GNG7: variants seen among roughly 807,000 people sequenced by gnomAD.
The protein encoded by GNG7 is G protein subunit gamma 7, also known as guanine nucleotide-binding protein G(I)/G(S)/G(O) subunit gamma-7.
GNG7 carries 1 observed loss-of-function variant against 4.0 expected under a neutral mutation model. That is an observed-to-expected ratio of 0.25 (90% CI 0.09 to 1.18). The LOEUF (loss-of-function observed/expected upper bound fraction) is 1.18, where lower values mean the gene tolerates loss of function less well. GNG7 is among the 50% of genes most tolerant of loss of function. The probability of loss-of-function intolerance (pLI) is 0.50; values close to 1 mark genes in which losing one functional copy is unlikely to be tolerated. For synonymous variants in GNG7, 34 were observed against 36.9 expected (o/e 0.92, Z 0.29); for missense variants, 86 against 91.9 (o/e 0.94, Z 0.26).
rs1972665958 is a variant in GNG7 at position 2,512,199 on chromosome 19, C to G, written c.*2823G>C. ...CCACCCCCGCCCGCCAGCTCCCCGT[C>G]TGGAGGTGCACGCGCGCTCCTGGAA... is the stretch of plus-strand genomic sequence containing the variant. On this transcript the variant is annotated 3_prime_UTR_variant, in exon 5 of 5. Coordinates refer to ENST00000382159, the MANE Select transcript of GNG7 (RefSeq NM_052847.3). This position sits in a 1 kb window ranked among gnomAD's most constrained non-coding sequence, Gnocchi z 4.7. 1 of 985,810 alleles carries G rather than the reference C, an allele frequency of 1.0e-6. No individual in the cohort carries two copies. The highest frequency in any genetic ancestry group is 1.2e-6 in the Non-Finnish European group (1 of 829,998). The allele number at this position is 985,810 out of a possible 1,614,324, so 61.1% of individuals were successfully genotyped here. A position where few individuals can be genotyped will look rare whatever the true frequency, so the allele number is the denominator to read the frequency against.
intron 1 of GNG7, among the ~76,000 whole-genome samples, chr19:2,654,324 G>A (rs1277922489): frequency 1.3e-5 from 2 of 152,186 alleles, no homozygotes; most frequent in East Asian, 1.9e-4. Flanking sequence ...AAACAGCACG[G>A]GTCCCCCTCC....
chr19:2,559,572 A>G (rs994006805), intron 2 of GNG7, among the ~76,000 whole-genome samples: 1 of 151,604 alleles, frequency 6.6e-6, no homozygotes, highest in Non-Finnish European at 1.5e-5. Context: ...CTGGAGTACA[A>G]TGGTGGATGT....
intron 3 of GNG7, among the ~76,000 whole-genome samples, chr19:2,540,209 A>G (rs1978913534): frequency 1.3e-5 from 2 of 151,722 alleles, no homozygotes; most frequent in African/African-American, 4.8e-5. Flanking sequence ...AGAGTACAGT[A>G]GTGTGATCCC....
At chr19:2,526,000 T>C (rs1338331483) in intron 3 of GNG7, among the ~76,000 whole-genome samples, 1 of 113,896 alleles carries the variant, frequency 8.8e-6, no homozygotes, top group Non-Finnish European at 1.8e-5. Context: ...AGACAGAGTC[T>C]GGCTCTGTCT....
intron 1 of GNG7, among the ~76,000 whole-genome samples, chr19:2,652,859 G>T (rs1046312341): frequency 6.6e-6 from 1 of 152,076 alleles, no homozygotes. Context: ...GAGGTGGGAG[G>T]ATTGCTGAAG....
At position 2,588,894 on chromosome 19, in the gene GNG7, G is replaced by A. The variant is rs569419249; in HGVS notation, c.-77-33706C>T. 1.1e-3 allele frequency among the ~76,000 whole-genome samples: 162 copies of A among 152,246 alleles called. 1 individual carries two copies. Among genetic ancestry groups the A allele is most frequent in the African/African-American group, 3.5e-3 (147 of 41,550 alleles). ...CAGGTGCTCAGGTGTGACATCAGCC[G>A]TCCCTTGCTGGCCCTGGTGCCAGCT... On this transcript the variant is annotated intron_variant, in intron 2 of 4. Coordinates refer to ENST00000382159, the MANE Select transcript of GNG7 (RefSeq NM_052847.3).
At chr19:2,687,331 G>C (rs1044675199) in intron 1 of GNG7, among the ~76,000 whole-genome samples, 7 of 151,472 alleles carry the variant, frequency 4.6e-5, no homozygotes, top group Non-Finnish European at 1.0e-4. Flanking sequence ...AAGTGCTGGG[G>C]TTAGGCTGGG....
At chr19:2,596,125 G>A (rs879708186) in intron 2 of GNG7, among the ~76,000 whole-genome samples, 23 of 152,318 alleles carry the variant, frequency 1.5e-4, no homozygotes, top group Admixed American at 3.3e-4. Context: ...TTGAGAGGCC[G>A]AGGCGGGCGG....
At chr19:2,517,628 G>A (rs1159623474) in intron 4 of GNG7, among the ~76,000 whole-genome samples, 1 of 152,164 alleles carries the variant, frequency 6.6e-6, no homozygotes, top group Non-Finnish European at 1.5e-5. Flanking sequence ...GCCTGCCAAA[G>A]TGCTGGGATT....
intron 2 of GNG7, among the ~76,000 whole-genome samples, chr19:2,555,584 T>C (rs1979516613): frequency 6.6e-6 from 1 of 152,206 alleles, no homozygotes; most frequent in Non-Finnish European, 1.5e-5. Flanking sequence ...CCATCTCTGA[T>C]TTCTACTTTT....
chr19:2,598,263 C>A (rs1458412861), intron 2 of GNG7, among the ~76,000 whole-genome samples: 1 of 152,196 alleles, frequency 6.6e-6, no homozygotes. Context: ...TGGCTCATAT[C>A]TGTTAATCCC....
rs981755182 is a variant in GNG7 at position 2,633,768 on chromosome 19, C to T, written c.-78+12456G>A. ...GAAGAGGACAGAAGCCTGCTCTCAA[C>T]TCACCCGGGAGGCAGGTTCTTCTGC... On this transcript the variant is annotated intron_variant, in intron 2 of 4. Transcript: ENST00000382159. This position sits in a 1 kb window ranked among gnomAD's most constrained non-coding sequence, Gnocchi z 5.9. Among the ~76,000 whole-genome samples, 1 of 152,136 alleles carries T rather than the reference C, an allele frequency of 6.6e-6. No homozygotes were observed. The highest frequency in any genetic ancestry group is 2.4e-5 in the African/African-American group (1 of 41,436).
chr19:2,660,387 C>T (rs1983115277), intron 1 of GNG7, among the ~76,000 whole-genome samples: 1 of 152,196 alleles, frequency 6.6e-6, no homozygotes. Context: ...CATCCTCCTG[C>T]TCCAAAACCA....
intron 2 of GNG7, among the ~76,000 whole-genome samples, chr19:2,625,878 C>G (rs945868176): frequency 6.6e-6 from 1 of 152,164 alleles, no homozygotes; most frequent in Admixed American, 6.5e-5. Flanking sequence ...AACTCCGCCT[C>G]CCGGGTTCAA....
chr19:2,560,954 C>CA lies in GNG7; in HGVS notation c.-77-5767dup, dbSNP rs33963257. 7.6e-3 allele frequency among the ~76,000 whole-genome samples: 1,006 copies of CA among 132,586 alleles called. 19 individuals are homozygous for CA. The highest frequency in any genetic ancestry group is 0.027 in the East Asian group (123 of 4,566). 87.0% of individuals were successfully genotyped at this position (132,586 alleles called of 152,430 possible). A position where few individuals can be genotyped will look rare whatever the true frequency, so the allele number is the denominator to read the frequency against. On this transcript the variant is annotated intron_variant, in intron 2 of 4. Transcript: ENST00000382159. ...CCTGGGCGACAGAAGGAGACTGTTT[C>CA]AAAAAAAAAAAAAAAAAAATTATTT...
At chr19:2,576,261 G>A (rs1170268884) in intron 2 of GNG7, among the ~76,000 whole-genome samples, 4 of 152,246 alleles carry the variant, frequency 2.6e-5, no homozygotes, top group African/African-American at 2.4e-5. Context: ...CAGCCCGGAC[G>A]GCCCCAGGGG....
At position 2,638,777 on chromosome 19, in the gene GNG7, C is replaced by T. The variant is rs576944927; in HGVS notation, c.-78+7447G>A. On this transcript the variant is annotated intron_variant, in intron 2 of 4. Transcript: ENST00000382159. ...GGGGAGGGGAGGGTTGGGTCAGAAT[C>T]ACCCCTGCTTCCTCCGTGAGCCCCA... Among the ~76,000 whole-genome samples the T allele has an allele frequency of 6.6e-5, 10 of 152,240 alleles. No individual in the cohort carries two copies. In the South Asian group the frequency reaches 2.1e-3, roughly 32 times the overall value.
rs751143475 is a variant in GNG7 at position 2,696,342 on chromosome 19, G to GAA, written c.-135+6302_-135+6303dup. On this transcript the variant is annotated intron_variant, in intron 1 of 4. Transcript: ENST00000382159. Reference sequence around the variant, plus strand: ...AGAAAGAAAGAAAGAAAGAAAGAAAGAAAGAAAAGAAAGAAAAGAAAGAAA... The same window carrying GAA: ...AGAAAGAAAGAAAGAAAGAAAGAAAGAAAAAGAAAAGAAAGAAAAGAAAGAAA... Among the ~76,000 whole-genome samples the GAA allele has an allele frequency of 2.4e-3, 305 of 128,658 alleles. 1 individual carries two copies. The highest frequency in any genetic ancestry group is 9.3e-3 in the African/African-American group (297 of 31,952). 84.4% of individuals were successfully genotyped at this position (128,658 alleles called of 152,430 possible).
chr19:2,589,753 C>T (rs917550760), intron 2 of GNG7, among the ~76,000 whole-genome samples: 69 of 152,238 alleles, frequency 4.5e-4, no homozygotes, highest in Admixed American at 2.9e-3. Context: ...GGATGAACTC[C>T]GAAAAATCAC....
Sources: allele counts gnomAD v4.1 joint callset (sites outside exome capture counted in the v4.1 genomes callset), GRCh38; gene constraint gnomAD v4.1.1; non-coding constraint Gnocchi (gnomAD v3.1); transcripts MANE v1.5; gene names NCBI Gene and HGNC (gene_info 2026-07-23, HGNC 2026-07-21).